The following APBB1IP variants were observed in gnomAD, a reference collection of about 807,000 sequenced individuals.
APBB1IP encodes the protein amyloid beta A4 precursor protein-binding family B member 1-interacting protein.
A neutral mutation model predicts 64.9 loss-of-function variants in APBB1IP; 27 were observed. That is an observed-to-expected ratio of 0.42 (90% CI 0.31 to 0.57). APBB1IP has a LOEUF of 0.57. Among genes scored for constraint, APBB1IP ranks in the 20% least tolerant of loss-of-function variants. The probability of loss-of-function intolerance (pLI) is 0.20; values close to 1 mark genes in which losing one functional copy is unlikely to be tolerated. For synonymous variants in APBB1IP, 392 were observed against 331.0 expected (o/e 1.18, Z -2.00); for missense variants, 812 against 845.5 (o/e 0.96, Z 0.49).
chr10:26,499,468 T>C (rs533722460), intron 4 of APBB1IP, among the ~76,000 whole-genome samples: 145 of 152,334 alleles, frequency 9.5e-4, no homozygotes, highest in Middle Eastern at 3.4e-3. Context: ...ATGATGATGA[T>C]GTCTGACAAA....
intron 2 of APBB1IP, among the ~76,000 whole-genome samples, chr10:26,483,740 T>A (rs1835861822): frequency 6.6e-6 from 1 of 152,246 alleles, no homozygotes; most frequent in African/African-American, 2.4e-5. Flanking sequence ...TGAGTCAGGG[T>A]CTTGCTCTTT....
intron 4 of APBB1IP, among the ~76,000 whole-genome samples, chr10:26,497,871 C>T (rs1347789003): frequency 2.0e-5 from 3 of 151,924 alleles, no homozygotes; most frequent in Admixed American, 6.6e-5. Context: ...GGACTACAGG[C>T]ATGCGCCATC....
At chr10:26,517,944 A>C (rs1177328833) in intron 8 of APBB1IP, among the ~76,000 whole-genome samples, 7 of 152,142 alleles carry the variant, frequency 4.6e-5, no homozygotes, top group African/African-American at 1.4e-4. Flanking sequence ...GCATATGCTT[A>C]GTTTTATTTT....
At chr10:26,508,968 A>G (rs1167545642) in intron 6 of APBB1IP, among the ~76,000 whole-genome samples, 1 of 152,270 alleles carries the variant, frequency 6.6e-6, no homozygotes, top group Admixed American at 6.5e-5. Flanking sequence ...GTAGTCAAAC[A>G]TCATTAATCT....
At chr10:26,489,861 C>T (rs1430988699) in intron 2 of APBB1IP, among the ~76,000 whole-genome samples, 6 of 152,148 alleles carry the variant, frequency 3.9e-5, no homozygotes, top group African/African-American at 1.4e-4. Context: ...CCCATCTCTA[C>T]TAAAAATACG....
intron 11 of APBB1IP, among the ~76,000 whole-genome samples, chr10:26,554,277 T>C (rs187110064): frequency 6.3e-4 from 96 of 152,238 alleles, no homozygotes; most frequent in African/African-American, 2.0e-3. Flanking sequence ...TATTGAAGAG[T>C]TCAGGAGACC....
chr10:26,446,292 G>T (rs1237507713), intron 2 of APBB1IP, among the ~76,000 whole-genome samples: 1 of 152,194 alleles, frequency 6.6e-6, no homozygotes, highest in Non-Finnish European at 1.5e-5. Flanking sequence ...TTTGGATACA[G>T]TATTGTTTTC....
chr10:26,465,256 G>A (rs1376988821), intron 2 of APBB1IP, among the ~76,000 whole-genome samples: 1 of 152,232 alleles, frequency 6.6e-6, no homozygotes, highest in Admixed American at 6.5e-5. Flanking sequence ...AGCATAAAAT[G>A]TGATCAGATG....
At chr10:26,508,193 T>C (rs1836207655) in intron 6 of APBB1IP, among the ~76,000 whole-genome samples, 1 of 152,206 alleles carries the variant, frequency 6.6e-6, no homozygotes, top group East Asian at 1.9e-4. Context: ...AGGATGGAAA[T>C]CAAATCTATC....
intron 2 of APBB1IP, among the ~76,000 whole-genome samples, chr10:26,473,957 G>A (rs377077806): frequency 2.9e-5 from 4 of 139,434 alleles, no homozygotes; most frequent in South Asian, 4.4e-4. Flanking sequence ...AGCCGAGATC[G>A]CACCACTGCA....
At chr10:26,451,636 T>C (rs1835466922) in intron 2 of APBB1IP, among the ~76,000 whole-genome samples, 1 of 152,200 alleles carries the variant, frequency 6.6e-6, no homozygotes, top group Admixed American at 6.5e-5. Flanking sequence ...CTTAAACCCT[T>C]TTTCAGGAGA....
At chr10:26,533,079 C>T (rs551965820) in intron 8 of APBB1IP, among the ~76,000 whole-genome samples, 1 of 152,346 alleles carries the variant, frequency 6.6e-6, no homozygotes, top group South Asian at 2.1e-4. Flanking sequence ...ATGAGCTTGA[C>T]CTTCACTCCA....
chr10:26,515,072 G>A (rs1219054128), intron 8 of APBB1IP, among the ~76,000 whole-genome samples: 3 of 143,410 alleles, frequency 2.1e-5, no homozygotes, highest in Non-Finnish European at 4.5e-5. Context: ...TAGTAGAGAT[G>A]GGGTTTCACC....
At chr10:26,560,663 TTGCAATTGAG>T in intron 12 of APBB1IP, 57 bp from the exon 13 acceptor site, 5 of 1,110,956 alleles carry the variant, frequency 4.5e-6, no homozygotes, top group Non-Finnish European at 6.5e-6. Flanking sequence ...TATATGTATA[TTGCAATTGAG>T]TGCAGAATTT....
At chr10:26,474,544 C>T (rs79609873) in intron 2 of APBB1IP, among the ~76,000 whole-genome samples, 166 of 152,308 alleles carry the variant, frequency 1.1e-3, no homozygotes, top group Non-Finnish European at 1.9e-3. Flanking sequence ...TGTTAATTAG[C>T]TAGAACTAAG....
chr10:26,472,072 A>C (rs1313658437), intron 2 of APBB1IP, among the ~76,000 whole-genome samples: 2 of 152,196 alleles, frequency 1.3e-5, no homozygotes, highest in Non-Finnish European at 2.9e-5. Flanking sequence ...TGACAGATGC[A>C]GAACGTTGAC....
At chr10:26,489,890 T>C (rs1835934541) in intron 2 of APBB1IP, among the ~76,000 whole-genome samples, 1 of 152,034 alleles carries the variant, frequency 6.6e-6, no homozygotes, top group Non-Finnish European at 1.5e-5. Flanking sequence ...CCAGGCATAG[T>C]GGTGGGTGCC....
At chr10:26,528,747 G>T (rs1054568996) in intron 8 of APBB1IP, among the ~76,000 whole-genome samples, 1 of 152,078 alleles carries the variant, frequency 6.6e-6, no homozygotes, top group African/African-American at 2.4e-5. Flanking sequence ...AACCAGCCTG[G>T]GCAACATAGC....
At chr10:26,461,212 G>A (rs542138184) in intron 2 of APBB1IP, among the ~76,000 whole-genome samples, 119 of 152,066 alleles carry the variant, frequency 7.8e-4, no homozygotes, top group African/African-American at 2.7e-3. Context: ...AGGGAAGGAA[G>A]GAAGGAAAAA....
Sources: allele counts gnomAD v4.1 joint callset (sites outside exome capture counted in the v4.1 genomes callset), GRCh38; gene constraint gnomAD v4.1.1; transcripts MANE v1.5; gene names NCBI Gene and HGNC (gene_info 2026-07-23, HGNC 2026-07-21).